Variants in KLHL13 observed in about 807,000 individuals in gnomAD.
KLHL13 encodes the protein kelch like family member 13, also known as kelch-like protein 13.
Under a neutral mutation model 37.1 loss-of-function variants are expected in KLHL13, and 10 were observed. The observed-to-expected ratio is 0.27, with a 90% CI of 0.17 to 0.46. The LOEUF is 0.46. Among genes scored for constraint, KLHL13 ranks in the 20% least tolerant of loss-of-function variants. The pLI is 1.00. For synonymous variants in KLHL13, 163 were observed against 181.2 expected, an observed-to-expected ratio of 0.90 and a Z score of 0.81; for missense variants, 360 against 509.3, an observed-to-expected ratio of 0.71 and a Z score of 2.82.
At chrX:118,082,311 GAGATGAT>G (rs2055005167) in intron 1 of KLHL13, among the ~76,000 whole-genome samples, 1 of 111,271 alleles carries the variant, frequency 9.0e-6, no homozygotes, top group South Asian at 3.8e-4. Context: ...TAACAGGGGT[GAGATGAT>G]ATTGCACTGT....
chrX:118,099,725 T>G (rs768651367), intron 1 of KLHL13, among the ~76,000 whole-genome samples: 1 of 110,341 alleles, frequency 9.1e-6, no homozygotes, highest in East Asian at 2.8e-4. Flanking sequence ...GGGGATTCCT[T>G]AAGCCCTGGA....
At chrX:117,902,624 C>CA (rs1930172484) in intron 5 of KLHL13, among the ~76,000 whole-genome samples, 1 of 111,508 alleles carries the variant, frequency 9.0e-6, no homozygotes, top group Non-Finnish European at 1.9e-5. Context: ...CATCTTTTAA[C>CA]ATAATGTATT....
At chrX:117,968,947 A>T (rs1010323070) in intron 1 of KLHL13, among the ~76,000 whole-genome samples, 2 of 111,744 alleles carry the variant, frequency 1.8e-5, no homozygotes, top group African/African-American at 6.5e-5. Flanking sequence ...AATTTTATTG[A>T]AGACATTACA....
At chrX:117,992,029 A>C (rs2053798844) in intron 1 of KLHL13, among the ~76,000 whole-genome samples, 1 of 110,181 alleles carries the variant, frequency 9.1e-6, no homozygotes, top group African/African-American at 3.3e-5. Flanking sequence ...GGTGGCTATC[A>C]GTTATTCACA....
intron 1 of KLHL13, among the ~76,000 whole-genome samples, chrX:117,950,003 A>G (rs1426429475): frequency 8.9e-6 from 1 of 112,698 alleles, no homozygotes; most frequent in Non-Finnish European, 1.9e-5. Context: ...TGAAGGGAAA[A>G]AAGAAGAAAT....
intron 1 of KLHL13, among the ~76,000 whole-genome samples, chrX:118,050,419 T>G: frequency 8.9e-6 from 1 of 112,094 alleles, no homozygotes; most frequent in Non-Finnish European, 1.9e-5. Context: ...TTACAAACAT[T>G]CATTAAGTAT....
In KLHL13 at chrX:117,910,225, T is replaced by C. The variant is rs750198396; in HGVS notation, c.571-129A>G. On this transcript the variant is annotated intron_variant, in intron 4 of 6. Coordinates refer to ENST00000262820, the Ensembl canonical transcript of KLHL13. ...ATGTTCAAATAGATACAAATAGGATTCTTATCTAAATGTATCAATGATCTA... is the reference window on the plus strand; with the variant it reads ...ATGTTCAAATAGATACAAATAGGATCCTTATCTAAATGTATCAATGATCTA... 60 of 485,647 alleles carry C rather than the reference T, an allele frequency of 1.2e-4. No homozygotes were observed. The African/African-American group carries it at 1.3e-3, about 11-fold the overall frequency. The allele number at this position is 485,647 out of a possible 1,213,427, so 40.0% of individuals were successfully genotyped here. A position where few individuals can be genotyped will look rare whatever the true frequency, so the allele number is the denominator to read the frequency against.
chrX:118,001,027 A>T (rs2053915470), intron 1 of KLHL13, among the ~76,000 whole-genome samples: 1 of 112,259 alleles, frequency 8.9e-6, no homozygotes, highest in East Asian at 2.8e-4. Context: ...GAGCATTTGA[A>T]CAAGCAAAAA....
upstream of KLHL13, among the ~76,000 whole-genome samples, chrX:117,975,982 T>C (rs938366855): frequency 6.3e-5 from 7 of 111,993 alleles, no homozygotes; most frequent in East Asian, 5.6e-4. Context: ...TCGAATTTCA[T>C]TGGGCTCCAA....
At chrX:118,012,929 T>C (rs1035530510) in intron 1 of KLHL13, among the ~76,000 whole-genome samples, 4 of 112,166 alleles carry the variant, frequency 3.6e-5, no homozygotes, top group African/African-American at 9.7e-5. Context: ...ACTTATTTAT[T>C]CAATCGTTTA....
rs184997885 is a variant in KLHL13, at chrX:118,097,951, C to T, written c.-56+18557G>A. Reference sequence around the variant, plus strand: ...ATTCAAGATGGATTAAAGACTTAAACGTTAGACCTAAAACCATAAAAACCC... The same window carrying T: ...ATTCAAGATGGATTAAAGACTTAAATGTTAGACCTAAAACCATAAAAACCC... On this transcript the variant is annotated intron_variant, in intron 1 of 6. Coordinates refer to the KLHL13 transcript ENST00000371882. 1.0e-2 allele frequency among the ~76,000 whole-genome samples: 1,112 copies of T among 111,214 alleles called. 12 individuals carry two copies. Among genetic ancestry groups the T allele is most frequent in the African/African-American group, 0.032 (988 of 30,571 alleles).
chrX:117,900,701 T>C (rs1221371903), intron 6 of KLHL13, among the ~76,000 whole-genome samples: 1 of 111,595 alleles, frequency 9.0e-6, no homozygotes, highest in Non-Finnish European at 1.9e-5. Context: ...TCACAAATAG[T>C]GCCTTTACAC....
intron 1 of KLHL13, among the ~76,000 whole-genome samples, chrX:118,036,905 C>T (rs752246259): frequency 9.9e-6 from 1 of 100,905 alleles, no homozygotes; most frequent in African/African-American, 3.7e-5. Flanking sequence ...AAGAAAAAAA[C>T]AAACAACCCC....
At chrX:118,065,099 A>G (rs1390384881) in intron 1 of KLHL13, among the ~76,000 whole-genome samples, 1 of 111,617 alleles carries the variant, frequency 9.0e-6, no homozygotes, top group East Asian at 2.8e-4. Context: ...CTTTGAAAAT[A>G]AAGAGTACTC....
intron 1 of KLHL13, among the ~76,000 whole-genome samples, chrX:117,964,605 T>A (rs1040872149): frequency 3.0e-4 from 34 of 111,599 alleles, no homozygotes; most frequent in Admixed American, 4.8e-4. Context: ...TTCTTTTTTT[T>A]ATTAAAGTTT....
At position 118,041,557 on chromosome X, in the gene KLHL13, T is replaced by A. The variant is rs553223395; in HGVS notation, c.-56+74951A>T. 2.7e-5 allele frequency among the ~76,000 whole-genome samples: 3 copies of A among 111,301 alleles called. No homozygotes were observed. In the Middle Eastern group the frequency reaches 0.014, roughly 513 times the overall value. On this transcript the variant is annotated intron_variant, in intron 1 of 6. Coordinates refer to the KLHL13 transcript ENST00000371882. ...AAGAAAAGAAAGAGACAACAAAAAG[T>A]TAAAAAGCTAGGGGAAGAAGTTAAA...
intron 1 of KLHL13, among the ~76,000 whole-genome samples, chrX:118,056,024 T>C (rs1434092363): frequency 1.8e-5 from 2 of 111,414 alleles, no homozygotes; most frequent in Non-Finnish European, 3.8e-5. Context: ...AAAACTATTT[T>C]TACTTTATTT....
At chrX:118,035,893 AG>A (rs1457195662) in intron 1 of KLHL13, among the ~76,000 whole-genome samples, 1 of 101,232 alleles carries the variant, frequency 9.9e-6, no homozygotes, top group Non-Finnish European at 1.9e-5. Context: ...ACTTCAGCAA[AG>A]TCTCAGGATA....
At chrX:117,929,802 A>AC (rs1932300218) in intron 2 of KLHL13, among the ~76,000 whole-genome samples, 2 of 102,614 alleles carry the variant, frequency 1.9e-5, no homozygotes, top group African/African-American at 7.3e-5. Context: ...AAAAAAAAAA[A>AC]AACTTAAATT....
Sources: allele counts gnomAD v4.1 joint callset (sites outside exome capture counted in the v4.1 genomes callset), GRCh38; gene constraint gnomAD v4.1.1; transcripts MANE v1.5; gene names NCBI Gene and HGNC (gene_info 2026-07-23, HGNC 2026-07-21).